The following FAM118A variants were observed in gnomAD, a reference collection of about 807,000 sequenced individuals.
The protein encoded by FAM118A is protein FAM118A.
FAM118A carries 25 observed loss-of-function variants against 38.2 expected under a neutral mutation model. The ratio of observed to expected loss-of-function variants is 0.65; its 90% CI spans 0.48 to 0.91. FAM118A has a LOEUF of 0.91. Ranked by LOEUF, FAM118A falls within the 40% of genes least tolerant of loss-of-function variation. The pLI is 0.00. For missense variants in FAM118A, 425 were observed against 463.3 expected, an observed-to-expected ratio of 0.92 and a Z score of 0.76; for synonymous variants, 178 against 184.1, an observed-to-expected ratio of 0.97 and a Z score of 0.27.
chr22:45,326,918 G>A (rs2085315680), intron 3 of FAM118A, among the ~76,000 whole-genome samples: 1 of 150,268 alleles, frequency 6.7e-6, no homozygotes, highest in Non-Finnish European at 1.5e-5. Flanking sequence ...GCTGAGGTTG[G>A]AGGATCACTT....
rs1021658900 is a variant in FAM118A at position 45,310,007 on chromosome 22, GGCTCTC to G, written c.-176_-171del. Reference sequence around the variant, plus strand: ...TGGCGTCCGCTCTGGCTCCGACTCCGGCTCTCGCTCTCGCTTCTAGCCCGCGTGCCT... The same window carrying G: ...TGGCGTCCGCTCTGGCTCCGACTCCGGCTCTCGCTTCTAGCCCGCGTGCCT... On this transcript the variant is annotated 5_prime_UTR_variant, in exon 1 of 9. Transcript: ENST00000441876. 4.3e-4 allele frequency: 65 copies of G among 152,204 alleles called. No homozygotes were observed. The highest frequency in any genetic ancestry group is 8.5e-4 in the Non-Finnish European group (58 of 68,062). 9.4% of individuals were successfully genotyped at this position (152,204 alleles called of 1,614,324 possible). A position where few individuals can be genotyped will look rare whatever the true frequency, so the allele number is the denominator to read the frequency against.
intron 1 of FAM118A, among the ~76,000 whole-genome samples, chr22:45,313,321 T>G (rs1351233052): frequency 1.9e-5 from 1 of 53,560 alleles, no homozygotes; most frequent in African/African-American, 3.5e-5. Context: ...TCGTGAGGGT[T>G]TTTTTTTTTT....
At chr22:45,316,521 A>C (rs1290903003) in intron 1 of FAM118A, among the ~76,000 whole-genome samples, 1 of 152,200 alleles carries the variant, frequency 6.6e-6, no homozygotes, top group East Asian at 1.9e-4. Flanking sequence ...GCTGAGGGTC[A>C]TGCTGGGAAG....
chr22:45,332,558 T>G lies in FAM118A; in HGVS notation c.785T>G (p.Leu262Arg), dbSNP rs1313851528. Reference sequence around the variant, plus strand: ...AAGGTGGATTTGGAGCACTACATGCTTGTGCTGAAGGAGAATGAAGACCAT... The same window carrying G: ...AAGGTGGATTTGGAGCACTACATGCGTGTGCTGAAGGAGAATGAAGACCAT... ...PNKVDLEHYM[L>R]VLKENEDHFF... The change falls in exon 6 of 9, where the codon CTT becomes CGT. Residue 262 changes from leucine to arginine, a missense_variant. Transcript: ENST00000441876. 1.2e-6 allele frequency: 2 copies of G among 1,614,214 alleles called. No individual in the cohort carries two copies. The highest frequency in any genetic ancestry group is 4.5e-5 in the East Asian group (2 of 44,880).
chr22:45,337,885 T>C lies in FAM118A; in HGVS notation c.1054+1474T>C, dbSNP rs954701666. 2.1e-5 allele frequency: 21 copies of C among 985,318 alleles called. No individual in the cohort carries two copies. In the African/African-American group the frequency reaches 3.7e-4, roughly 17 times the overall value. 61.0% of individuals were successfully genotyped at this position (985,318 alleles called of 1,614,324 possible). A position where few individuals can be genotyped will look rare whatever the true frequency, so the allele number is the denominator to read the frequency against. On this transcript the variant is annotated intron_variant, in intron 8 of 8. Coordinates refer to ENST00000441876, the MANE Select transcript of FAM118A (RefSeq NM_017911.4). ...GGAGTTTTGGCATGGGATTCTCCGT[T>C]GTGATTCCCCCGGACTCCACTGTCT...
Position 45,340,575 on chromosome 22 carries a change from C to A in FAM118A, c.*170C>A. ...CCTCAAGGCTGGGTGAGAGGGCTCC[C>A]CTGTGTGTTGAACTATGCAGGAGGG... On this transcript the variant is annotated 3_prime_UTR_variant, in exon 9 of 9. Transcript: ENST00000441876. 2.7e-6 allele frequency: 2 copies of A among 743,894 alleles called. No homozygotes were observed. Among genetic ancestry groups the A allele is most frequent in the Middle Eastern group, 4.7e-4 (2 of 4,290 alleles). 46.1% of individuals were successfully genotyped at this position (743,894 alleles called of 1,614,324 possible).
At chr22:45,322,856 G>T (rs2084963245) in intron 2 of FAM118A, among the ~76,000 whole-genome samples, 1 of 152,190 alleles carries the variant, frequency 6.6e-6, no homozygotes, top group Non-Finnish European at 1.5e-5. Context: ...ATCATCGTTT[G>T]TATTCATAAC....
At chr22:45,326,564 C>T (rs991603035) in intron 3 of FAM118A, among the ~76,000 whole-genome samples, 5 of 151,980 alleles carry the variant, frequency 3.3e-5, no homozygotes, top group African/African-American at 7.2e-5. Flanking sequence ...TAGTGGCTCA[C>T]GCCTGTAATC....
rs1380996971 is a variant in FAM118A at position 45,340,730 on chromosome 22, T to C, written c.*325T>C. 2.4e-6 allele frequency: 1 copy of C among 416,918 alleles called. No individual in the cohort carries two copies. The highest frequency in any genetic ancestry group is 2.0e-5 in the African/African-American group (1 of 50,098). 25.8% of individuals were successfully genotyped at this position (416,918 alleles called of 1,614,324 possible). ...GACAGGCTCTCTTTTGTCAAGGTGG[T>C]ATTTTTCGTAATAAAAGGGGAAGAG... On this transcript the variant is annotated 3_prime_UTR_variant, in exon 9 of 9. Coordinates refer to ENST00000441876, the MANE Select transcript of FAM118A (RefSeq NM_017911.4).
At chr22:45,319,689 G>A (rs2084764414) in intron 1 of FAM118A, among the ~76,000 whole-genome samples, 2 of 152,152 alleles carry the variant, frequency 1.3e-5, no homozygotes, top group Non-Finnish European at 2.9e-5. Context: ...TTAATAGATG[G>A]TGGAGGGATT....
intron 1 of FAM118A, among the ~76,000 whole-genome samples, chr22:45,315,384 C>G (rs575078395): frequency 3.3e-5 from 5 of 152,160 alleles, no homozygotes; most frequent in African/African-American, 1.2e-4. Context: ...TCCTGAAGAT[C>G]CCTTATTATT....
chr22:45,327,289 G>A (rs2085343659), intron 3 of FAM118A, among the ~76,000 whole-genome samples: 1 of 151,880 alleles, frequency 6.6e-6, no homozygotes, highest in South Asian at 2.1e-4. Flanking sequence ...CATTGAAGGT[G>A]CCACGAAGAC....
chr22:45,323,041 C>CTG (rs3041118), intron 2 of FAM118A, 134 bp from the exon 3 acceptor site: 210,789 of 652,906 alleles, frequency 0.32, 10,687 homozygotes, highest in Non-Finnish European at 0.36. Context: ...TCAGAGGGGA[C>CTG]TGTGTGTGTG....
At chr22:45,338,721 C>A (rs534393303) in intron 8 of FAM118A, among the ~76,000 whole-genome samples, 1 of 152,158 alleles carries the variant, frequency 6.6e-6, no homozygotes, top group Admixed American at 6.5e-5. Context: ...TCTTAAATAC[C>A]TATATAGCAG....
chr22:45,315,581 G>T (rs1282022569), intron 1 of FAM118A, among the ~76,000 whole-genome samples: 1 of 152,214 alleles, frequency 6.6e-6, no homozygotes, highest in Non-Finnish European at 1.5e-5. Context: ...TGATGTGCAT[G>T]TTGGGATCCC....
intron 3 of FAM118A, among the ~76,000 whole-genome samples, chr22:45,324,257 C>T (rs532529678): frequency 6.6e-6 from 1 of 152,364 alleles, no homozygotes; most frequent in East Asian, 1.9e-4. Flanking sequence ...CACCTAGAGA[C>T]CCGGGTGGGC....
intron 1 of FAM118A, among the ~76,000 whole-genome samples, chr22:45,311,201 A>G (rs1231121377): frequency 1.3e-5 from 2 of 152,206 alleles, no homozygotes; most frequent in Non-Finnish European, 2.9e-5. Context: ...GAAGTTTGCC[A>G]GGGTCATTCC....
At chr22:45,335,531 A>T (rs1408740023) in intron 7 of FAM118A, 149 bp downstream of exon 7, 4 of 870,308 alleles carry the variant, frequency 4.6e-6, no homozygotes, top group Non-Finnish European at 5.3e-6. Context: ...ATAAATAGCC[A>T]TGCCTTAGCA....
Position 45,323,382 on chromosome 22 carries a change from G to A in FAM118A, c.255G>A (p.Arg85=). Residue 85 remains arginine (R), a synonymous_variant, in exon 3 of 9, where the codon CGG becomes CGA. Coordinates refer to ENST00000441876, the MANE Select transcript of FAM118A (RefSeq NM_017911.4). ...TCCGGAGGAAAGTGACAAAGGACCG[G>A]GACCTGTTGGTTGTCGCCCATGATC... The part of the protein sequence containing the change: ...AEFRRKVTKD[R]DLLVVAHDLI... The A allele has an allele frequency of 6.2e-7, 1 of 1,614,186 alleles. No individual in the cohort carries two copies. Among genetic ancestry groups the A allele is most frequent in the Non-Finnish European group, 8.5e-7 (1 of 1,180,028 alleles).
Sources: gnomAD v4.1 joint callset for allele counts (sites outside exome capture counted in the v4.1 genomes callset) on GRCh38, gnomAD v4.1.1 for gene constraint, MANE v1.5 for transcripts, NCBI Gene and HGNC (gene_info 2026-07-23, HGNC 2026-07-21) for gene names.